The following HERC3 variants were observed in gnomAD, a reference collection of about 807,000 sequenced individuals.
HERC3 encodes the protein probable E3 ubiquitin-protein ligase HERC3.
HERC3 carries 58 observed loss-of-function variants against 129.9 expected under a neutral mutation model. The observed-to-expected ratio is 0.45, with a 90% CI of 0.36 to 0.56. The LOEUF is 0.56. Ranked by LOEUF, HERC3 falls within the 20% of genes least tolerant of loss-of-function variation. The pLI, the probability that HERC3 is intolerant of heterozygous loss-of-function variation, is 0.00. For synonymous variants in HERC3, 430 were observed against 451.0 expected, an observed-to-expected ratio of 0.95 and a Z score of 0.59; for missense variants, 835 against 1,244.2, an observed-to-expected ratio of 0.67 and a Z score of 4.95.
At chr4:88,540,493 G>C in the HERC3 span, among the ~76,000 whole-genome samples, 2 of 152,214 alleles carry the variant, frequency 1.3e-5, no homozygotes. Context: ...AAGTGACAGG[G>C]AGAATGGAAC....
chr4:88,696,014 CA>C (rs1168485143), intron 23 of HERC3: 1 of 152,624 alleles, frequency 6.6e-6, no homozygotes, highest in Admixed American at 6.5e-5. Context: ...TCAAAACCCA[CA>C]CAGAAGCTAA....
At chr4:88,603,578 C>T (rs1723269678) in intron 2 of HERC3, among the ~76,000 whole-genome samples, 1 of 152,122 alleles carries the variant, frequency 6.6e-6, no homozygotes, top group Non-Finnish European at 1.5e-5. Context: ...TGGGATTTCC[C>T]CCGTCTCCTT....
the HERC3 span, among the ~76,000 whole-genome samples, chr4:88,559,503 T>G: frequency 2.6e-5 from 4 of 152,276 alleles, no homozygotes; most frequent in Admixed American, 2.6e-4. Flanking sequence ...TGTTTTGTTT[T>G]GTTTTTACAG....
the HERC3 span, among the ~76,000 whole-genome samples, chr4:88,535,231 C>T: frequency 3.2e-4 from 48 of 152,288 alleles, no homozygotes; most frequent in African/African-American, 1.1e-3. Context: ...AGAGACCAAC[C>T]TTGAACTTAC....
chr4:88,643,284 C>T lies in HERC3; in HGVS notation c.227-6556C>T, dbSNP rs149087958. On this transcript the variant is annotated intron_variant, in intron 3 of 25. Transcript: ENST00000402738. ...TGTGTTCATGGATTAAGGCCCTTAACGTATTATAGCAAATATTTCAGTTCT... is the reference window on the plus strand; with the variant it reads ...TGTGTTCATGGATTAAGGCCCTTAATGTATTATAGCAAATATTTCAGTTCT... Among the ~76,000 whole-genome samples, 41 of 152,220 alleles carry T rather than the reference C, an allele frequency of 2.7e-4. No homozygotes were observed. The East Asian group carries it at 5.8e-3, about 22-fold the overall frequency.
chr4:88,694,025 G>A (rs529628878), intron 23 of HERC3, among the ~76,000 whole-genome samples: 7 of 152,260 alleles, frequency 4.6e-5, no homozygotes, highest in Non-Finnish European at 7.4e-5. Context: ...GGCAGAAATC[G>A]CTTGACGTCA....
At position 88,627,518 on chromosome 4, in the gene HERC3, C is replaced by A. The variant is rs1432473812; in HGVS notation, c.226+21469C>A. ...AATTTTATATAAGGAATTTGAGCATCTATGGATTTTGGTATCTATGGGGGG... is the reference window on the plus strand; with the variant it reads ...AATTTTATATAAGGAATTTGAGCATATATGGATTTTGGTATCTATGGGGGG... On this transcript the variant is annotated intron_variant, in intron 3 of 25. Coordinates refer to ENST00000402738, the MANE Select transcript of HERC3 (RefSeq NM_014606.3). Among the ~76,000 whole-genome samples, 3 of 152,088 alleles carry A rather than the reference C, an allele frequency of 2.0e-5. No individual in the cohort carries two copies. The East Asian group carries it at 5.8e-4, about 29-fold the overall frequency.
At chr4:88,579,232 A>AAAAATATATATAT in the HERC3 span, among the ~76,000 whole-genome samples, 1 of 104,094 alleles carries the variant, frequency 9.6e-6, no homozygotes, top group African/African-American at 6.1e-5. Context: ...AAAAAAAAAA[A>AAAAATATATATAT]ATATATATAT....
intron 12 of HERC3, among the ~76,000 whole-genome samples, chr4:88,666,311 T>G (rs1001563932): frequency 1.3e-5 from 2 of 152,168 alleles, no homozygotes; most frequent in African/African-American, 4.8e-5. Flanking sequence ...AAGACCAGAT[T>G]TACAAAGCAA....
the HERC3 span, among the ~76,000 whole-genome samples, chr4:88,556,063 A>C: frequency 2.0e-5 from 3 of 152,198 alleles, no homozygotes; most frequent in Non-Finnish European, 4.4e-5. Context: ...AGTATGACAA[A>C]GGACTCACAT....
At chr4:88,651,795 C>T (rs542545493) in intron 4 of HERC3, among the ~76,000 whole-genome samples, 2 of 152,242 alleles carry the variant, frequency 1.3e-5, no homozygotes, top group South Asian at 2.1e-4. Flanking sequence ...ATCATATTGG[C>T]CAGGCTGGTC....
chr4:88,583,220 G>A, the HERC3 span, among the ~76,000 whole-genome samples: 1 of 151,754 alleles, frequency 6.6e-6, no homozygotes, highest in Non-Finnish European at 1.5e-5. Context: ...GGTGGATCAC[G>A]AGGTCAGGAG....
the HERC3 span, chr4:88,583,781 C>T: frequency 6.6e-6 from 1 of 152,158 alleles, no homozygotes; most frequent in Non-Finnish European, 1.5e-5. Context: ...TACAGCTCCC[C>T]ACATACCTTG....
chr4:88,704,316 C>T (rs368087756), intron 24 of HERC3, 35 bp downstream of exon 24: 106 of 1,601,584 alleles, frequency 6.6e-5, no homozygotes, highest in African/African-American at 6.4e-4. Flanking sequence ...CCTTTAACTC[C>T]GGCGAAGCAG....
chr4:88,705,886 G>T (rs111377278), intron 25 of HERC3, among the ~76,000 whole-genome samples: 18 of 152,064 alleles, frequency 1.2e-4, no homozygotes, highest in Admixed American at 1.2e-3. Context: ...TCTTACACAA[G>T]AATTCTTAAA....
At chr4:88,540,605 G>T in the HERC3 span, among the ~76,000 whole-genome samples, 1 of 152,118 alleles carries the variant, frequency 6.6e-6, no homozygotes, top group Non-Finnish European at 1.5e-5. Context: ...ACACCACAAA[G>T]ATACTCCTTG....
chr4:88,611,672 C>T (rs1296371399), intron 3 of HERC3, among the ~76,000 whole-genome samples: 1 of 152,182 alleles, frequency 6.6e-6, no homozygotes, highest in African/African-American at 2.4e-5. Context: ...CTCCAAGTGG[C>T]TTACAGAGTT....
At chr4:88,563,269 G>A in the HERC3 span, among the ~76,000 whole-genome samples, 1 of 152,034 alleles carries the variant, frequency 6.6e-6, no homozygotes, top group African/African-American at 2.4e-5. Context: ...TGTAAATCAG[G>A]TTGCTTTGTT....
chr4:88,590,835 T>C (rs929589128), upstream of HERC3, among the ~76,000 whole-genome samples: 1 of 152,140 alleles, frequency 6.6e-6, no homozygotes, highest in African/African-American at 2.4e-5. Flanking sequence ...ATCTGGAATA[T>C]AAGTGAATTG....
Sources: gnomAD v4.1 joint callset for allele counts (sites outside exome capture counted in the v4.1 genomes callset) on GRCh38, gnomAD v4.1.1 for gene constraint, MANE v1.5 for transcripts, NCBI Gene and HGNC (gene_info 2026-07-23, HGNC 2026-07-21) for gene names.